The following ABCA13 variants were observed in gnomAD, a reference collection of about 807,000 sequenced individuals.
ABCA13 encodes ATP-binding cassette sub-family A member 13.
In ABCA13, 476 loss-of-function variants were observed where a neutral mutation model predicts 478.7. The ratio of observed to expected loss-of-function variants is 0.99; its 90% CI spans 0.92 to 1.07. The LOEUF is 1.07. ABCA13 is among the 50% of genes least tolerant of loss of function. The probability of loss-of-function intolerance (pLI) is 0.00; values close to 1 mark genes in which losing one functional copy is unlikely to be tolerated. For synonymous variants in ABCA13, 2,252 were observed against 2,158.9 expected, an observed-to-expected ratio of 1.04 and a Z score of -1.20; for missense variants, 6,060 against 5,910.6, an observed-to-expected ratio of 1.03 and a Z score of -0.83.
intron 15 of ABCA13, among the ~76,000 whole-genome samples, chr7:48,255,929 G>A (rs1793322864): frequency 6.6e-6 from 1 of 152,090 alleles, no homozygotes; most frequent in African/African-American, 2.4e-5. Flanking sequence ...CCCTCTAACA[G>A]TGTGTAAGTG....
chr7:48,428,529 T>C (rs555057317), intron 42 of ABCA13, among the ~76,000 whole-genome samples: 26 of 152,138 alleles, frequency 1.7e-4, no homozygotes, highest in Non-Finnish European at 3.5e-4. Flanking sequence ...GAGATTTCAG[T>C]CTACTAGGCA....
At chr7:48,631,010 G>A (rs980790684) in intron 59 of ABCA13, among the ~76,000 whole-genome samples, 3 of 151,454 alleles carry the variant, frequency 2.0e-5, no homozygotes, top group Non-Finnish European at 4.4e-5. Flanking sequence ...GGGGTTATTT[G>A]TTTTTTGCTT....
At chr7:48,463,335 C>A (rs553020752) in intron 43 of ABCA13, among the ~76,000 whole-genome samples, 33 of 152,176 alleles carry the variant, frequency 2.2e-4, no homozygotes, top group Non-Finnish European at 4.3e-4. Flanking sequence ...AGCAGCTGGG[C>A]TGCCAGTACT....
chr7:48,403,545 GT>G, intron 38 of ABCA13, 137 bp from the exon 39 acceptor site: 1 of 857,066 alleles, frequency 1.2e-6, no homozygotes, highest in Non-Finnish European at 1.8e-6. Flanking sequence ...ACTCACGTGT[GT>G]GTAGCATCCA....
At chr7:48,368,677 G>GT (rs1419358388) in intron 32 of ABCA13, among the ~76,000 whole-genome samples, 3 of 108,790 alleles carry the variant, frequency 2.8e-5, no homozygotes, top group East Asian at 2.7e-4. Context: ...TGGTGTGTGT[G>GT]TGTGTATGTG....
chr7:48,277,045 G>T (rs1004909567), intron 17 of ABCA13, among the ~76,000 whole-genome samples: 4 of 152,178 alleles, frequency 2.6e-5, no homozygotes, highest in Non-Finnish European at 5.9e-5. Context: ...AATCTCGTTT[G>T]AAGTTTGCCA....
At chr7:48,212,886 G>A (rs1000190821) in intron 3 of ABCA13, among the ~76,000 whole-genome samples, 6 of 151,818 alleles carry the variant, frequency 4.0e-5, no homozygotes, top group Non-Finnish European at 8.8e-5. Context: ...TTTCTCATTT[G>A]TGCTGTGTCT....
At chr7:48,245,796 G>T in intron 12 of ABCA13, 67 bp from the exon 13 acceptor site, 1 of 1,499,040 alleles carries the variant, frequency 6.7e-7, no homozygotes, top group South Asian at 1.4e-5. Flanking sequence ...TGCAGTTCTT[G>T]AGCCCATGAA....
intron 57 of ABCA13, among the ~76,000 whole-genome samples, chr7:48,594,133 T>G (rs956589159): frequency 6.6e-6 from 1 of 152,144 alleles, no homozygotes; most frequent in South Asian, 2.1e-4. Flanking sequence ...CATTATTTAT[T>G]TAATAAGCAT....
rs1022398008 is a variant in ABCA13 at position 48,617,335 on chromosome 7, C to T, written c.14837+1958C>T. The stretch of plus-strand genomic sequence containing the variant: ...TTCCATGAACATGAATTGTTAGGAA[C>T]GTGAATAAGGAAGAGTAGGGTCTGG... On this transcript the variant is annotated intron_variant, in intron 59 of 61. Coordinates refer to ENST00000435803, the MANE Select transcript of ABCA13 (RefSeq NM_152701.5). Among the ~76,000 whole-genome samples the T allele has an allele frequency of 1.3e-4, 20 of 152,184 alleles. No individual in the cohort carries two copies. In the East Asian group the frequency reaches 2.7e-3, roughly 21 times the overall value.
chr7:48,428,465 C>T (rs1342503591), intron 42 of ABCA13, among the ~76,000 whole-genome samples: 3 of 152,112 alleles, frequency 2.0e-5, no homozygotes, highest in African/African-American at 7.2e-5. Flanking sequence ...AGCAAGGATC[C>T]CTGAGCTGAG....
At chr7:48,519,492 G>A (rs574978218) in intron 52 of ABCA13, among the ~76,000 whole-genome samples, 1 of 152,314 alleles carries the variant, frequency 6.6e-6, no homozygotes, top group East Asian at 1.9e-4. Context: ...CCAAATCACA[G>A]TTTATATGAT....
intron 37 of ABCA13, among the ~76,000 whole-genome samples, chr7:48,391,060 A>C (rs536754437): frequency 6.6e-6 from 1 of 152,318 alleles, no homozygotes; most frequent in East Asian, 1.9e-4. Context: ...AGGAAGCAGA[A>C]CTAGGCAATT....
rs750312973 is a variant in ABCA13 at position 48,272,358 on chromosome 7, A to G, written c.2692A>G (p.Ile898Val). 7 of 1,613,682 alleles carry G rather than the reference A, an allele frequency of 4.3e-6. No homozygotes were observed. The South Asian group carries it at 4.4e-5, about 10-fold the overall frequency. Residue 898 changes from isoleucine (I) to valine (V), a missense_variant, in exon 17 of 62, where the codon ATA (isoleucine) becomes GTA (valine). Transcript: ENST00000435803. Reference protein sequence around the residue: ...NIDFVRLSEAIITSLHEFGFL... With the variant: ...NIDFVRLSEAVITSLHEFGFL... ...AGATTTTGTACGTTTAAGTGAGGCT[A>G]TAATAACTAGTCTCCATGAATTTGG...
chr7:48,266,936 T>C (rs1794948665), intron 15 of ABCA13, among the ~76,000 whole-genome samples: 1 of 152,030 alleles, frequency 6.6e-6, no homozygotes, highest in South Asian at 2.1e-4. Context: ...ATTCCTTTTT[T>C]CATCTATGAG....
At chr7:48,561,287 A>G (rs1256227256) in intron 55 of ABCA13, among the ~76,000 whole-genome samples, 1 of 152,080 alleles carries the variant, frequency 6.6e-6, no homozygotes, top group Non-Finnish European at 1.5e-5. Context: ...GTCAAATAAT[A>G]TTATATTTTT....
intron 59 of ABCA13, among the ~76,000 whole-genome samples, chr7:48,633,988 G>A (rs1264635622): frequency 7.1e-6 from 1 of 140,234 alleles, no homozygotes; most frequent in Non-Finnish European, 1.6e-5. Flanking sequence ...AGATGACAGA[G>A]AGATGTAAAT....
chr7:48,389,248 A>T, intron 37 of ABCA13, 28 bp downstream of exon 37: 1 of 1,581,486 alleles, frequency 6.3e-7, no homozygotes, highest in Admixed American at 1.8e-5. Context: ...CTTATCAAAC[A>T]CTGGGCATTT....
chr7:48,258,679 G>T (rs1466673956), intron 15 of ABCA13, among the ~76,000 whole-genome samples: 1 of 151,968 alleles, frequency 6.6e-6, no homozygotes, highest in African/African-American at 2.4e-5. Flanking sequence ...GCTCTTGTTT[G>T]TCTAGTTCCT....
Sources: gnomAD v4.1 joint callset for allele counts (sites outside exome capture counted in the v4.1 genomes callset) on GRCh38, gnomAD v4.1.1 for gene constraint, MANE v1.5 for transcripts, NCBI Gene and HGNC (gene_info 2026-07-23, HGNC 2026-07-21) for gene names.